Variants in PLXDC2 observed in about 807,000 individuals in gnomAD.
The protein encoded by PLXDC2 is plexin domain containing 2.
In PLXDC2, 40 loss-of-function variants were observed where a neutral mutation model predicts 68.9. The observed-to-expected ratio is 0.58, with a 90% CI of 0.45 to 0.76. PLXDC2 has a LOEUF of 0.76. Among genes scored for constraint, PLXDC2 ranks in the 30% least tolerant of loss-of-function variants. The pLI is 0.00. For synonymous variants in PLXDC2, 243 were observed against 234.2 expected (o/e 1.04, Z -0.34); for missense variants, 644 against 661.9 (o/e 0.97, Z 0.30).
At chr10:19,869,483 A>AGGGGGGGGGGGGGGGGGG in intron 1 of PLXDC2, among the ~76,000 whole-genome samples, 1 of 8,332 alleles carries the variant, frequency 1.2e-4, no homozygotes, top group South Asian at 4.2e-3. Context: ...GGGGGGGGAG[A>AGGGGGGGGGGGGGGGGGG]GGGTGGGAGG....
chr10:20,044,122 T>TCCTTCCTTCCTCCCTCCCTCCCTCCCTC (rs71388894), intron 2 of PLXDC2, among the ~76,000 whole-genome samples: 2 of 99,738 alleles, frequency 2.0e-5, no homozygotes, highest in African/African-American at 4.1e-5. Flanking sequence ...CTTCCTTCCT[T>TCCTTCCTTCCTCCCTCCCTCCCTCCCTC]CCTCCCTCCC....
At chr10:19,822,191 G>A (rs12217447) in intron 1 of PLXDC2, among the ~76,000 whole-genome samples, 9 of 148,712 alleles carry the variant, frequency 6.1e-5, no homozygotes, top group South Asian at 2.1e-4. Flanking sequence ...GCACTATATA[G>A]TATATATGCA....
chr10:20,044,179 TTC>T (rs1455712045), intron 2 of PLXDC2, among the ~76,000 whole-genome samples: 1 of 125,508 alleles, frequency 8.0e-6, no homozygotes, highest in African/African-American at 3.5e-5. Context: ...CTTTCTTTCC[TTC>T]TTTCTTTCTT....
chr10:19,930,594 G>T (rs1045882487), intron 1 of PLXDC2, among the ~76,000 whole-genome samples: 8 of 152,042 alleles, frequency 5.3e-5, no homozygotes, highest in African/African-American at 1.9e-4. Flanking sequence ...ACTGATTTTG[G>T]AAAATATGTC....
intron 4 of PLXDC2, among the ~76,000 whole-genome samples, chr10:20,100,416 A>G (rs528935372): frequency 5.3e-5 from 8 of 152,366 alleles, no homozygotes; most frequent in African/African-American, 1.9e-4. Context: ...GAAAATCCAT[A>G]ACATGGAAGT....
At chr10:20,040,109 T>G (rs576946989) in intron 2 of PLXDC2, among the ~76,000 whole-genome samples, 43 of 152,164 alleles carry the variant, frequency 2.8e-4, no homozygotes, top group African/African-American at 9.9e-4. Context: ...TAACCAGAAT[T>G]CTTTCTAAGG....
chr10:20,162,909 C>CA (rs71390763), intron 6 of PLXDC2, among the ~76,000 whole-genome samples: 49,039 of 98,026 alleles, frequency 0.5, 13,194 homozygotes, highest in Non-Finnish European at 0.62. Flanking sequence ...ACTAAAAATA[C>CA]AAAAAAAAAA....
At chr10:19,821,246 C>T (rs1836461827) in intron 1 of PLXDC2, among the ~76,000 whole-genome samples, 1 of 152,202 alleles carries the variant, frequency 6.6e-6, no homozygotes, top group South Asian at 2.1e-4. Flanking sequence ...TGAAAGCTCT[C>T]ACCAGATGAG....
chr10:19,987,606 G>T (rs771347574), intron 1 of PLXDC2, among the ~76,000 whole-genome samples: 4 of 150,970 alleles, frequency 2.6e-5, no homozygotes, highest in Admixed American at 2.6e-4. Flanking sequence ...CTGTCACCCA[G>T]GCTGGAGTGC....
At chr10:20,201,031 G>C (rs1481245077) in intron 9 of PLXDC2, among the ~76,000 whole-genome samples, 2 of 151,984 alleles carry the variant, frequency 1.3e-5, no homozygotes, top group African/African-American at 4.8e-5. Context: ...ACTAGACACT[G>C]ATGCAAAGGA....
At chr10:20,026,902 C>CTAATATATAGAATAT (rs1835415274) in intron 2 of PLXDC2, among the ~76,000 whole-genome samples, 1 of 107,194 alleles carries the variant, frequency 9.3e-6, no homozygotes, top group Non-Finnish European at 1.8e-5. Flanking sequence ...ATATAGAATA[C>CTAATATATAGAATAT]ACTTTTATAA....
chr10:20,166,785 C>T (rs1382397961), intron 7 of PLXDC2, among the ~76,000 whole-genome samples: 2 of 152,004 alleles, frequency 1.3e-5, no homozygotes, highest in South Asian at 2.1e-4. Context: ...GGTATATTCC[C>T]AATGATAAAA....
At chr10:20,057,629 G>A (rs192697567) in intron 3 of PLXDC2, among the ~76,000 whole-genome samples, 2 of 151,984 alleles carry the variant, frequency 1.3e-5, no homozygotes, top group East Asian at 3.9e-4. Context: ...AAATGCCAAC[G>A]GGACTGGAAG....
chr10:19,817,529 T>C (rs1435564415), intron 1 of PLXDC2, among the ~76,000 whole-genome samples: 1 of 152,166 alleles, frequency 6.6e-6, no homozygotes, highest in Non-Finnish European at 1.5e-5. Context: ...CTCCAGGCTG[T>C]GTGCTCTCCG....
intron 4 of PLXDC2, among the ~76,000 whole-genome samples, chr10:20,068,822 GGTTA>G (rs1836265821): frequency 6.6e-6 from 1 of 152,050 alleles, no homozygotes; most frequent in South Asian, 2.1e-4. Flanking sequence ...CAAGCTTGGA[GGTTA>G]GTTTAGAGAT....
chr10:20,018,856 G>C (rs1021884928), intron 2 of PLXDC2, among the ~76,000 whole-genome samples: 3 of 152,130 alleles, frequency 2.0e-5, no homozygotes, highest in Non-Finnish European at 4.4e-5. Context: ...ATAAACAAAT[G>C]AGGTTAAGTT....
intron 6 of PLXDC2, among the ~76,000 whole-genome samples, chr10:20,160,169 T>A (rs746452037): frequency 9.2e-5 from 14 of 152,158 alleles, no homozygotes; most frequent in Non-Finnish European, 1.8e-4. Context: ...AAATGGACAG[T>A]GTGTATGCCT....
chr10:19,870,771 G>A (rs1400115857), intron 1 of PLXDC2, among the ~76,000 whole-genome samples: 1 of 152,118 alleles, frequency 6.6e-6, no homozygotes, highest in African/African-American at 2.4e-5. Context: ...TGTTACATTT[G>A]TTTCTATGTA....
chr10:20,068,615 T>A (rs1157243442), intron 4 of PLXDC2, among the ~76,000 whole-genome samples: 5 of 147,404 alleles, frequency 3.4e-5, no homozygotes, highest in East Asian at 2.0e-4. Flanking sequence ...ATATATATAT[T>A]ATATATATAT....
Sources: allele counts gnomAD v4.1 joint callset (sites outside exome capture counted in the v4.1 genomes callset), GRCh38; gene constraint gnomAD v4.1.1; transcripts MANE v1.5; gene names NCBI Gene and HGNC (gene_info 2026-07-23, HGNC 2026-07-21).